COL19A1: variants seen among roughly 807,000 people sequenced by gnomAD.
COL19A1 encodes the protein collagen type XIX alpha 1 chain, also known as collagen alpha-1(XIX) chain.
In COL19A1, 159 loss-of-function variants were observed where a neutral mutation model predicts 190.2. That is an observed-to-expected ratio of 0.84 (90% CI 0.73 to 0.95). COL19A1 has a LOEUF of 0.95. Among genes scored for constraint, COL19A1 ranks in the 40% least tolerant of loss-of-function variants. The pLI is 0.00. For synonymous variants in COL19A1, 509 were observed against 458.9 expected, an observed-to-expected ratio of 1.11 and a Z score of -1.39; for missense variants, 1,418 against 1,431.9, an observed-to-expected ratio of 0.99 and a Z score of 0.16.
At chr6:70,157,339 G>T (rs1787501733) in intron 34 of COL19A1, among the ~76,000 whole-genome samples, 1 of 152,114 alleles carries the variant, frequency 6.6e-6, no homozygotes, top group African/African-American at 2.4e-5. Flanking sequence ...TGTAAGCCAT[G>T]GTGATGCTCA....
chr6:70,104,343 C>G (rs767755486), intron 16 of COL19A1, among the ~76,000 whole-genome samples: 5 of 152,060 alleles, frequency 3.3e-5, no homozygotes, highest in Non-Finnish European at 7.4e-5. Context: ...ACAGTCATGG[C>G]AGAAGGGAGA....
intron 42 of COL19A1, 138 bp from the exon 43 acceptor site, chr6:70,180,174 C>T: frequency 1.1e-6 from 1 of 899,388 alleles, no homozygotes; most frequent in Non-Finnish European, 1.7e-6. Context: ...ACATGAGCCA[C>T]CACACCTGGC....
At chr6:70,143,908 A>G (rs1331622058) in intron 23 of COL19A1, among the ~76,000 whole-genome samples, 1 of 152,072 alleles carries the variant, frequency 6.6e-6, no homozygotes, top group East Asian at 1.9e-4. Flanking sequence ...AGTTCTTTGG[A>G]ATCATTATGT....
chr6:70,133,468 C>T (rs535195066), intron 18 of COL19A1, among the ~76,000 whole-genome samples: 23 of 152,200 alleles, frequency 1.5e-4, no homozygotes, highest in Non-Finnish European at 2.6e-4. Context: ...TGGAAATGAA[C>T]GATCCCTGCT....
intron 41 of COL19A1, among the ~76,000 whole-genome samples, chr6:70,172,453 C>CA (rs1562242446): frequency 2.0e-5 from 3 of 151,668 alleles, no homozygotes; most frequent in Non-Finnish European, 4.4e-5. Context: ...AGGAGATAGT[C>CA]GTAGGAGATG....
At position 70,211,304 on chromosome 6, in the gene COL19A1, C is replaced by A. The variant is rs555323687; in HGVS notation, c.*4030C>A. Among the ~76,000 whole-genome samples, 1 of 151,852 alleles carries A rather than the reference C, an allele frequency of 6.6e-6. No homozygotes were observed. Among genetic ancestry groups the A allele is most frequent in the Non-Finnish European group, 1.5e-5 (1 of 67,934 alleles). ...GAATTTCTGTTAAGTGTTTTGCTGA[C>A]GTTGTTTTAATGAATACTCAAAAAA... On this transcript the variant is annotated 3_prime_UTR_variant, in exon 51 of 51. Transcript: ENST00000620364.
At chr6:70,017,691 T>G (rs1778193948) in intron 11 of COL19A1, among the ~76,000 whole-genome samples, 1 of 151,822 alleles carries the variant, frequency 6.6e-6, no homozygotes, top group Non-Finnish European at 1.5e-5. Context: ...AAAATGAAAA[T>G]GAGTAAATGC....
intron 4 of COL19A1, among the ~76,000 whole-genome samples, chr6:69,926,367 C>T (rs886847825): frequency 6.6e-6 from 1 of 152,028 alleles, no homozygotes; most frequent in Non-Finnish European, 1.5e-5. Flanking sequence ...TTTAAATATA[C>T]TTAAGTAACT....
intron 31 of COL19A1, among the ~76,000 whole-genome samples, chr6:70,153,060 G>T (rs1787174005): frequency 1.3e-5 from 2 of 152,068 alleles, no homozygotes; most frequent in African/African-American, 4.8e-5. Flanking sequence ...AAGGTTCTGA[G>T]TCCATAACGA....
chr6:69,994,721 G>A (rs963782023), intron 11 of COL19A1, among the ~76,000 whole-genome samples: 7 of 152,224 alleles, frequency 4.6e-5, no homozygotes, highest in African/African-American at 1.7e-4. Flanking sequence ...ATCAGCCTAT[G>A]AGACCATTAT....
In COL19A1 at chr6:70,210,097, CTT is replaced by C. The variant is rs1768097864; in HGVS notation, c.*2824_*2825del. 6.6e-6 allele frequency: 1 copy of C among 152,086 alleles called. No homozygotes were observed. The highest frequency in any genetic ancestry group is 1.5e-5 in the Non-Finnish European group (1 of 67,990). 9.4% of individuals were successfully genotyped at this position (152,086 alleles called of 1,614,324 possible). On this transcript the variant is annotated 3_prime_UTR_variant, in exon 51 of 51. Transcript: ENST00000620364. ...GAATTATTCAATTTCATGAATAACT[CTT>C]GTTTGCACTCCAGAAAACAACATAC...
At chr6:69,907,579 T>C (rs921767942) in intron 4 of COL19A1, among the ~76,000 whole-genome samples, 2 of 152,248 alleles carry the variant, frequency 1.3e-5, no homozygotes, top group Non-Finnish European at 2.9e-5. Context: ...TGTTCAATCA[T>C]TGTTTTCTCC....
intron 2 of COL19A1, among the ~76,000 whole-genome samples, chr6:69,888,827 A>G (rs1392362873): frequency 1.3e-5 from 2 of 149,632 alleles, no homozygotes; most frequent in Non-Finnish European, 1.5e-5. Context: ...GTTTATTCAC[A>G]CTTCTGTATT....
intron 11 of COL19A1, among the ~76,000 whole-genome samples, chr6:69,975,537 C>T (rs576745771): frequency 1.3e-5 from 2 of 152,272 alleles, no homozygotes; most frequent in African/African-American, 2.4e-5. Context: ...GTTTATAATA[C>T]TGTCAGGTGG....
chr6:70,073,914 C>T (rs1781703498), intron 15 of COL19A1, among the ~76,000 whole-genome samples: 1 of 152,126 alleles, frequency 6.6e-6, no homozygotes, highest in South Asian at 2.1e-4. Context: ...GGTTGATATA[C>T]TTTACCTAAG....
chr6:70,147,117 A>G (rs1583024224), intron 27 of COL19A1, among the ~76,000 whole-genome samples: 1 of 152,198 alleles, frequency 6.6e-6, no homozygotes, highest in Non-Finnish European at 1.5e-5. Context: ...CTAAGTTTGG[A>G]TTAGAAGCAG....
Position 70,151,466 on chromosome 6 carries a change from G to A in COL19A1, c.2079+28G>A, listed in dbSNP as rs1160466332. 4.4e-6 allele frequency: 7 copies of A among 1,603,766 alleles called. No homozygotes were observed. In the Admixed American group the frequency reaches 1.2e-4, roughly 27 times the overall value. ...ACTCTATTGCTATGTAAGAAATTAT[G>A]TGTTAATTTCCAGGAAAAATTAGAA... On this transcript the variant is annotated intron_variant, in intron 31 of 50. Coordinates refer to ENST00000620364, the MANE Select transcript of COL19A1 (RefSeq NM_001858.6).
intron 48 of COL19A1, 77 bp from the exon 49 acceptor site, chr6:70,199,531 A>T: frequency 9.0e-7 from 1 of 1,111,868 alleles, no homozygotes; most frequent in Admixed American, 3.4e-5. Context: ...TGTTTGTTTG[A>T]TTTCATGTAT....
intron 15 of COL19A1, among the ~76,000 whole-genome samples, chr6:70,070,175 T>C (rs937409670): frequency 1.3e-5 from 2 of 152,148 alleles, no homozygotes; most frequent in African/African-American, 4.8e-5. Context: ...TGAAAAAATA[T>C]TTAAATGAGG....
Sources: allele counts gnomAD v4.1 joint callset (sites outside exome capture counted in the v4.1 genomes callset), GRCh38; gene constraint gnomAD v4.1.1; transcripts MANE v1.5; gene names NCBI Gene and HGNC (gene_info 2026-07-23, HGNC 2026-07-21).